The following ALK variants were observed in gnomAD, a reference collection of about 807,000 sequenced individuals.
ALK encodes ALK receptor tyrosine kinase, also known as ALK tyrosine kinase receptor.
A neutral mutation model predicts 163.1 loss-of-function variants in ALK; 74 were observed. The ratio of observed to expected loss-of-function variants is 0.45; its 90% confidence interval spans 0.38 to 0.55. The LOEUF (loss-of-function observed/expected upper bound fraction) is 0.55. Ranked by LOEUF, ALK falls within the 20% of genes least tolerant of loss-of-function variation. ALK has a pLI of 0.00. For synonymous variants in ALK, 960 were observed against 843.2 expected (o/e 1.14, Z -2.40); for missense variants, 2,063 against 2,105.3 (o/e 0.98, Z 0.39).
intron 1 of ALK, among the ~76,000 whole-genome samples, chr2:29,821,357 C>T (rs552209356): frequency 6.6e-6 from 1 of 152,070 alleles, no homozygotes; most frequent in Non-Finnish European, 1.5e-5. Flanking sequence ...TGAACCCACA[C>T]TCATCTCCCC....
rs114326339 is a variant in ALK, at chr2:29,465,742, G to A, written c.1154+66173C>T. ...GTTAAAAGTAGTTCTTCAGGCAGAA[G>A]GCAAATGATATCAGATGAAAAACTG... On this transcript the variant is annotated intron_variant, in intron 4 of 28. Transcript: ENST00000389048. Among the ~76,000 whole-genome samples, 1,213 of 152,062 alleles carry A rather than the reference G, an allele frequency of 8.0e-3. 20 individuals carry two copies. The highest frequency in any genetic ancestry group is 0.028 in the African/African-American group (1,172 of 41,488).
In ALK at chr2:29,193,402, A is replaced by C. The variant is rs974930400; in HGVS notation, c.4685T>G (p.Leu1562Arg). The change falls in exon 29 of 29, where the codon CTG becomes CGG. Residue 1562 changes from leucine (L) to arginine (R), a missense_variant. Coordinates refer to ENST00000389048, the MANE Select transcript of ALK (RefSeq NM_004304.5). Reference protein sequence around the residue: ...GASLLLEPSSLTANMKEVPLF... With the variant: ...GASLLLEPSSRTANMKEVPLF... ...AGGTACCTCCTTCATATTGGCAGTC[A>C]GCGAAGAGGGCTCTAGGAGCAGTGA... 17 of 1,614,102 alleles carry C rather than the reference A, an allele frequency of 1.1e-5. No homozygotes were observed. Among genetic ancestry groups the C allele is most frequent in the Non-Finnish European group, 1.4e-5 (17 of 1,180,042 alleles).
intron 1 of ALK, among the ~76,000 whole-genome samples, chr2:29,877,834 C>T (rs1666762862): frequency 6.6e-6 from 1 of 152,198 alleles, no homozygotes; most frequent in Non-Finnish European, 1.5e-5. Flanking sequence ...ATCCAGGAGG[C>T]TGCTTTTCCC....
intron 1 of ALK, among the ~76,000 whole-genome samples, chr2:29,787,546 A>G (rs1189571266): frequency 6.6e-6 from 1 of 152,240 alleles, no homozygotes; most frequent in Non-Finnish European, 1.5e-5. Flanking sequence ...CAAGCGGTCC[A>G]TGGGACGTAT....
chr2:29,460,222 A>T (rs771398222), intron 4 of ALK, among the ~76,000 whole-genome samples: 1 of 152,206 alleles, frequency 6.6e-6, no homozygotes, highest in Non-Finnish European at 1.5e-5. Flanking sequence ...ATACAATTTA[A>T]AGAAAGAGTT....
intron 4 of ALK, among the ~76,000 whole-genome samples, chr2:29,427,899 T>C (rs1670184582): frequency 6.6e-6 from 1 of 152,066 alleles, no homozygotes; most frequent in African/African-American, 2.4e-5. Flanking sequence ...GCTCAATACA[T>C]TTAAAAGAAT....
intron 3 of ALK, among the ~76,000 whole-genome samples, chr2:29,550,342 T>A (rs1673681744): frequency 6.6e-6 from 1 of 152,174 alleles, no homozygotes; most frequent in Admixed American, 6.5e-5. Flanking sequence ...AGGAGCTCCA[T>A]GAAGATGACT....
chr2:29,713,379 G>A (rs1057138388), intron 2 of ALK, among the ~76,000 whole-genome samples: 12 of 152,190 alleles, frequency 7.9e-5, no homozygotes, highest in Non-Finnish European at 1.6e-4. Flanking sequence ...CCATAGTCTG[G>A]GATGGGGAGG....
chr2:29,662,428 T>A (rs554135564), intron 3 of ALK, among the ~76,000 whole-genome samples: 2 of 152,172 alleles, frequency 1.3e-5, no homozygotes, highest in African/African-American at 4.8e-5. Flanking sequence ...GTATGTTTTA[T>A]AATAAGTTGC....
At chr2:29,842,863 G>T (rs1246598350) in intron 1 of ALK, among the ~76,000 whole-genome samples, 1 of 152,210 alleles carries the variant, frequency 6.6e-6, no homozygotes, top group Non-Finnish European at 1.5e-5. Flanking sequence ...GAAATGAGTT[G>T]CAGGTGGGAA....
At chr2:29,390,469 A>G (rs1669138862) in intron 4 of ALK, among the ~76,000 whole-genome samples, 2 of 152,228 alleles carry the variant, frequency 1.3e-5, no homozygotes. Flanking sequence ...TGTCTTTGCT[A>G]AGAATCTCTC....
At chr2:29,482,527 C>G (rs563447254) in intron 4 of ALK, among the ~76,000 whole-genome samples, 82 of 152,102 alleles carry the variant, frequency 5.4e-4, no homozygotes, top group African/African-American at 1.9e-3. Context: ...GCTGGCACCA[C>G]CTGGGAAAAG....
chr2:29,250,972 C>A lies in ALK; in HGVS notation c.2204+133G>T, dbSNP rs187789304. On this transcript the variant is annotated intron_variant, in intron 12 of 28. Transcript: ENST00000389048. Reference sequence around the variant, plus strand: ...CTCCCCATCTCCAACCTTTATACCCCCTATGGGCCTGAGTCTGTTGCCTTT... The same window carrying A: ...CTCCCCATCTCCAACCTTTATACCCACTATGGGCCTGAGTCTGTTGCCTTT... The A allele has an allele frequency of 3.4e-4, 282 of 825,368 alleles. 1 individual carries two copies. The highest frequency in any genetic ancestry group is 1.7e-3 in the Middle Eastern group (5 of 2,952). 51.1% of individuals were successfully genotyped at this position (825,368 alleles called of 1,614,324 possible). A position where few individuals can be genotyped will look rare whatever the true frequency, so the allele number is the denominator to read the frequency against.
chr2:29,378,051 T>C (rs542476886), intron 5 of ALK, among the ~76,000 whole-genome samples: 6 of 152,194 alleles, frequency 3.9e-5, no homozygotes, highest in South Asian at 4.2e-4. Context: ...AGAGGAGATA[T>C]AGTGGCCTGC....
intron 12 of ALK, among the ~76,000 whole-genome samples, chr2:29,243,756 C>T (rs1664582796): frequency 6.6e-6 from 1 of 152,228 alleles, no homozygotes; most frequent in African/African-American, 2.4e-5. Flanking sequence ...GCTTTCTTCC[C>T]ATCCCTTGTA....
In ALK at chr2:29,683,971, T is replaced by C. The variant is rs1394329891; in HGVS notation, c.952+10879A>G. Among the ~76,000 whole-genome samples, 4 of 152,354 alleles carry C rather than the reference T, an allele frequency of 2.6e-5. No individual in the cohort carries two copies. In the East Asian group the frequency reaches 7.7e-4, roughly 29 times the overall value. On this transcript the variant is annotated intron_variant, in intron 3 of 28. Coordinates refer to ENST00000389048, the MANE Select transcript of ALK (RefSeq NM_004304.5). ...GGTAAAATGACCCCCAGATCCCTCT[T>C]CAACTTACGTTGAACCAGTCTTTCT...
intron 3 of ALK, among the ~76,000 whole-genome samples, chr2:29,692,499 TAAG>T (rs374727750): frequency 5.5e-4 from 84 of 152,350 alleles, no homozygotes; most frequent in African/African-American, 1.9e-3. Flanking sequence ...TAGATTCTCA[TAAG>T]AAGTACTCAA....
At chr2:29,287,975 A>G (rs982430889) in intron 9 of ALK, among the ~76,000 whole-genome samples, 1 of 150,696 alleles carries the variant, frequency 6.6e-6, no homozygotes, top group African/African-American at 2.4e-5. Context: ...ACCCCCTCTC[A>G]CATACATGTG....
At chr2:29,492,794 A>G (rs1211600605) in intron 4 of ALK, among the ~76,000 whole-genome samples, 3 of 152,212 alleles carry the variant, frequency 2.0e-5, no homozygotes, top group Admixed American at 2.0e-4. Context: ...TGCAGATTAG[A>G]CGTAGGTAAC....
Sources: gnomAD v4.1 joint callset for allele counts (sites outside exome capture counted in the v4.1 genomes callset) on GRCh38, gnomAD v4.1.1 for gene constraint, MANE v1.5 for transcripts, NCBI Gene and HGNC (gene_info 2026-07-23, HGNC 2026-07-21) for gene names.